PLXNC1: variants seen among roughly 807,000 people sequenced by gnomAD.
The protein encoded by PLXNC1 is plexin-C1.
PLXNC1 carries 75 observed loss-of-function variants against 178.2 expected under a neutral mutation model. That is an observed-to-expected ratio of 0.42 (90% CI 0.35 to 0.51). The LOEUF is 0.51. PLXNC1 is among the 20% of genes least tolerant of loss of function. PLXNC1 has a pLI of 0.02. For missense variants in PLXNC1, 1,503 were observed against 1,984.4 expected (o/e 0.76, Z 4.61); for synonymous variants, 790 against 779.9 (o/e 1.01, Z -0.22).
At chr12:94,270,235 C>T (rs555362594) in intron 21 of PLXNC1, among the ~76,000 whole-genome samples, 3 of 152,336 alleles carry the variant, frequency 2.0e-5, no homozygotes, top group Admixed American at 2.0e-4. Flanking sequence ...CAGCAAACAA[C>T]AGCCTGTGGG....
intron 4 of PLXNC1, among the ~76,000 whole-genome samples, chr12:94,198,275 C>G (rs186172346): frequency 1.5e-3 from 223 of 152,220 alleles, no homozygotes; most frequent in African/African-American, 4.8e-3. Context: ...AGCAAACTAA[C>G]GCAGGAACAG....
At chr12:94,215,413 A>G (rs1338283309) in intron 5 of PLXNC1, among the ~76,000 whole-genome samples, 1 of 152,124 alleles carries the variant, frequency 6.6e-6, no homozygotes, top group Non-Finnish European at 1.5e-5. Context: ...AATTCCAATG[A>G]TTTTTGAGTT....
chr12:94,305,294 G>A lies in PLXNC1; in HGVS notation c.*9G>A, dbSNP rs1288492337. On this transcript the variant is annotated 3_prime_UTR_variant, in exon 31 of 31. Coordinates refer to ENST00000258526, the MANE Select transcript of PLXNC1 (RefSeq NM_005761.3). The stretch of plus-strand genomic sequence containing the variant: ...AATGCAAGTGGATGTAAGCACTCTG[G>A]GGCCTGGCTTAATCTGGCAAAGTTC... The A allele has an allele frequency of 3.2e-6, 5 of 1,561,310 alleles. No homozygotes were observed. Among genetic ancestry groups the A allele is most frequent in the Middle Eastern group, 1.7e-4 (1 of 5,962 alleles).
chr12:94,212,098 C>A (rs1279169863), intron 5 of PLXNC1, among the ~76,000 whole-genome samples: 2 of 151,688 alleles, frequency 1.3e-5, no homozygotes, highest in African/African-American at 2.4e-5. Flanking sequence ...AACGGTGAAA[C>A]CCCGTCTCTA....
At chr12:94,246,853 G>C (rs1964541552) in intron 12 of PLXNC1, among the ~76,000 whole-genome samples, 1 of 146,992 alleles carries the variant, frequency 6.8e-6, no homozygotes, top group Admixed American at 6.9e-5. Flanking sequence ...CCCACCAATT[G>C]CCTCTTCCTA....
intron 21 of PLXNC1, among the ~76,000 whole-genome samples, chr12:94,273,085 C>T (rs143273759): frequency 9.2e-5 from 14 of 152,328 alleles, no homozygotes; most frequent in Non-Finnish European, 2.1e-4. Context: ...GTTTCCTCAT[C>T]CATTAAATGA....
chr12:94,158,473 G>A (rs1347072244), intron 1 of PLXNC1, among the ~76,000 whole-genome samples: 1 of 152,088 alleles, frequency 6.6e-6, no homozygotes, highest in Non-Finnish European at 1.5e-5. Context: ...ATTATCAATC[G>A]GAAGCTCCCT....
intron 14 of PLXNC1, among the ~76,000 whole-genome samples, chr12:94,249,156 C>T (rs909516461): frequency 2.6e-5 from 4 of 152,202 alleles, no homozygotes; most frequent in South Asian, 2.1e-4. Context: ...CAGTTAATAG[C>T]TCTGTGGCCT....
chr12:94,280,097 A>G, intron 22 of PLXNC1: 1 of 328,594 alleles, frequency 3.0e-6, no homozygotes, highest in South Asian at 2.4e-5. Flanking sequence ...CCTGCTAGAA[A>G]GGTCATCTTC....
intron 15 of PLXNC1, among the ~76,000 whole-genome samples, chr12:94,253,211 G>GAGAAA (rs1964745739): frequency 2.4e-5 from 1 of 42,018 alleles, no homozygotes; most frequent in Non-Finnish European, 5.4e-5. Flanking sequence ...CTCCGTCTCA[G>GAGAAA]AAAAAAAAAA....
At chr12:94,243,268 T>C (rs946333120) in intron 11 of PLXNC1, among the ~76,000 whole-genome samples, 2 of 152,192 alleles carry the variant, frequency 1.3e-5, no homozygotes, top group African/African-American at 4.8e-5. Context: ...CTAGAATGAG[T>C]GTCTGGTGAC....
rs71774901 is a variant in PLXNC1, at chr12:94,228,389, GGTTTGTTT to G, written c.1980+1163_1980+1170del. Among the ~76,000 whole-genome samples the G allele has an allele frequency of 3.0e-4, 45 of 151,632 alleles. No individual in the cohort carries two copies. The East Asian group carries it at 6.8e-3, about 23-fold the overall frequency. ...TAATTAAACTTTGTTGTTGTTCCAG[GGTTTGTTT>G]GTTTGTTTTTTCGTTTTGATAAAAT... On this transcript the variant is annotated intron_variant, in intron 9 of 30. Coordinates refer to ENST00000258526, the MANE Select transcript of PLXNC1 (RefSeq NM_005761.3).
intron 29 of PLXNC1, 23 bp from the exon 30 acceptor site, chr12:94,303,954 C>A (rs375382955): frequency 6.2e-7 from 1 of 1,605,796 alleles, no homozygotes; most frequent in South Asian, 1.1e-5. Flanking sequence ...ATTTCAGAAT[C>A]TCTCAACAAG....
intron 4 of PLXNC1, among the ~76,000 whole-genome samples, chr12:94,197,287 G>C (rs1962949895): frequency 1.3e-5 from 2 of 152,322 alleles, no homozygotes; most frequent in East Asian, 1.9e-4. Context: ...ACAGTTTTGA[G>C]AGGTGGAACC....
chr12:94,245,626 T>C (rs1286604943), intron 12 of PLXNC1, among the ~76,000 whole-genome samples: 2 of 152,202 alleles, frequency 1.3e-5, no homozygotes, highest in African/African-American at 4.8e-5. Flanking sequence ...ACCATTTCTT[T>C]TCACATTAAA....
At chr12:94,232,854 T>C (rs1160210830) in intron 9 of PLXNC1, among the ~76,000 whole-genome samples, 1 of 152,172 alleles carries the variant, frequency 6.6e-6, no homozygotes, top group Admixed American at 6.5e-5. Flanking sequence ...GATAAGGAAA[T>C]TTTAGCTCAG....
chr12:94,285,677 G>C (rs558910837), intron 23 of PLXNC1, among the ~76,000 whole-genome samples: 2 of 152,300 alleles, frequency 1.3e-5, no homozygotes, highest in South Asian at 4.1e-4. Flanking sequence ...GAAGGTAATG[G>C]CCAGGAGGAG....
intron 15 of PLXNC1, among the ~76,000 whole-genome samples, chr12:94,253,680 CTT>C (rs60523235): frequency 1.3e-5 from 2 of 148,470 alleles, no homozygotes. Flanking sequence ...TATGTAATTT[CTT>C]TTTTTTTTTT....
In PLXNC1 at chr12:94,275,681, G is replaced by A. The variant is rs1447115199; in HGVS notation, c.3598-3791G>A. Among the ~76,000 whole-genome samples, 6 of 109,964 alleles carry A rather than the reference G, an allele frequency of 5.5e-5. 1 individual carries two copies. Among genetic ancestry groups the A allele is most frequent in the African/African-American group, 1.9e-4 (5 of 26,886 alleles). The allele number at this position is 109,964 out of a possible 152,430, so 72.1% of individuals were successfully genotyped here. ...ATCCCGGCTAAAACGGTGAAACCCCGTCTCTACTAAAAAAATACAAAAAAT... is the reference window on the plus strand; with the variant it reads ...ATCCCGGCTAAAACGGTGAAACCCCATCTCTACTAAAAAAATACAAAAAAT... On this transcript the variant is annotated intron_variant, in intron 21 of 30. Transcript: ENST00000258526.
Sources: allele counts gnomAD v4.1 joint callset (sites outside exome capture counted in the v4.1 genomes callset), GRCh38; gene constraint gnomAD v4.1.1; transcripts MANE v1.5; gene names NCBI Gene and HGNC (gene_info 2026-07-23, HGNC 2026-07-21).